Variants in TRIB1 observed in about 807,000 individuals in gnomAD.
TRIB1 encodes the protein tribbles pseudokinase 1.
TRIB1 carries 12 observed loss-of-function variants against 27.8 expected under a neutral mutation model. That is an observed-to-expected ratio of 0.43 (90% CI 0.28 to 0.70). The LOEUF (loss-of-function observed/expected upper bound fraction) is 0.70, where lower values mean the gene tolerates loss of function less well. Among genes scored for constraint, TRIB1 ranks in the 30% least tolerant of loss-of-function variants. TRIB1 has a pLI of 0.18. For missense variants in TRIB1, 475 were observed against 515.8 expected (o/e 0.92, Z 0.77); for synonymous variants, 230 against 224.9 (o/e 1.02, Z -0.20).
chr8:125,432,432 C>T, intron 1 of TRIB1: 1 of 360,812 alleles, frequency 2.8e-6, no homozygotes, highest in Non-Finnish European at 3.9e-6. Context: ...TGGGGTGAGT[C>T]TGGCCATTGT....
intron 1 of TRIB1, among the ~76,000 whole-genome samples, chr8:125,431,774 A>G (rs1814661037): frequency 6.6e-6 from 1 of 152,152 alleles, no homozygotes; most frequent in Non-Finnish European, 1.5e-5. Context: ...GGGATTCCGA[A>G]TTGAATCCGC....
In TRIB1 at chr8:125,437,172, G is replaced by A. The variant is rs529289692; in HGVS notation, c.*701G>A. ...TAAAAGCACTTACCAGCCGAACGTG[G>A]AACAGTATCACAAAAGATTCCATCT... is the stretch of plus-strand genomic sequence containing the variant. On this transcript the variant is annotated 3_prime_UTR_variant, in exon 3 of 3. Coordinates refer to ENST00000311922, the MANE Select transcript of TRIB1 (RefSeq NM_025195.4). 3 of 152,468 alleles carry A rather than the reference G, an allele frequency of 2.0e-5. No individual in the cohort carries two copies. The highest frequency in any genetic ancestry group is 3.8e-4 in the East Asian group (2 of 5,322). 9.4% of individuals were successfully genotyped at this position (152,468 alleles called of 1,614,324 possible).
In TRIB1 at chr8:125,438,343, T is replaced by A. The variant is rs1202683548; in HGVS notation, c.*1872T>A. On this transcript the variant is annotated 3_prime_UTR_variant, in exon 3 of 3. Coordinates refer to ENST00000311922, the MANE Select transcript of TRIB1 (RefSeq NM_025195.4). ...CTTCCTGTACATACGTGTATATATG[T>A]GAACAGTGAGATGGCCGTTTCTGAC... The A allele has an allele frequency of 2.0e-5, 3 of 152,370 alleles. No homozygotes were observed. Among genetic ancestry groups the A allele is most frequent in the Admixed American group, 2.0e-4 (3 of 15,280 alleles). 9.4% of individuals were successfully genotyped at this position (152,370 alleles called of 1,614,324 possible).
At chr8:125,432,277 C>G (rs1162707751) in intron 1 of TRIB1, 1 of 916,804 alleles carries the variant, frequency 1.1e-6, no homozygotes, top group Admixed American at 7.2e-5. Context: ...GAAAAAAAAA[C>G]CTTTTCTTCT....
Position 125,436,771 on chromosome 8 carries a change from C to T in TRIB1, c.*300C>T, listed in dbSNP as rs982948683. 2.7e-5 allele frequency: 12 copies of T among 440,504 alleles called. No individual in the cohort carries two copies. The highest frequency in any genetic ancestry group is 9.5e-5 in the South Asian group (3 of 31,584). The allele number at this position is 440,504 out of a possible 1,614,324, so 27.3% of individuals were successfully genotyped here. ...GGGCAGAGTATGGACATCTTACACCCGGTGGTCAAGTGTGTAATAAACTTG... is the reference window on the plus strand; with the variant it reads ...GGGCAGAGTATGGACATCTTACACCTGGTGGTCAAGTGTGTAATAAACTTG... On this transcript the variant is annotated 3_prime_UTR_variant, in exon 3 of 3. Transcript: ENST00000311922.
Position 125,433,861 on chromosome 8 carries a change from T to G in TRIB1, c.653+252T>G. On this transcript the variant is annotated intron_variant, in intron 2 of 2. Transcript: ENST00000311922. This position sits in a 1 kb window ranked among gnomAD's most constrained non-coding sequence, Gnocchi z 4.4. ...TGTTGACAGGGTGCTCTTCCTCTCC[T>G]ACCCCAGGATCAGGTTCATTCCCCA... The G allele has an allele frequency of 2.1e-6, 1 of 479,840 alleles. No homozygotes were observed. Among genetic ancestry groups the G allele is most frequent in the East Asian group, 3.4e-5 (1 of 29,640 alleles). 29.7% of individuals were successfully genotyped at this position (479,840 alleles called of 1,614,324 possible). A position where few individuals can be genotyped will look rare whatever the true frequency, so the allele number is the denominator to read the frequency against.
At chr8:125,435,181 T>G (rs1814727228) in intron 2 of TRIB1, among the ~76,000 whole-genome samples, 2 of 151,658 alleles carry the variant, frequency 1.3e-5, no homozygotes, top group Non-Finnish European at 2.9e-5. Context: ...TGAAGGTGTT[T>G]TAGACTTTCG....
chr8:125,433,313 A>C lies in TRIB1; in HGVS notation c.361-4A>C. On this transcript the variant is annotated splice_polypyrimidine_tract_variant and splice_region_variant and intron_variant, in intron 1 of 2. Coordinates refer to ENST00000311922, the MANE Select transcript of TRIB1 (RefSeq NM_025195.4). This position sits in a 1 kb window ranked among gnomAD's most constrained non-coding sequence, Gnocchi z 4.4. Reference sequence around the variant, plus strand: ...CCCTAAACGGGCCCCCCTTCTCTCTACAGGTGTTTCCCATTAAACACTACC... The same window carrying C: ...CCCTAAACGGGCCCCCCTTCTCTCTCCAGGTGTTTCCCATTAAACACTACC... The C allele has an allele frequency of 6.2e-7, 1 of 1,612,014 alleles. No individual in the cohort carries two copies. The highest frequency in any genetic ancestry group is 8.5e-7 in the Non-Finnish European group (1 of 1,178,374).
rs1255258708 is a variant in TRIB1, at chr8:125,436,394, G to A, written c.1042G>A (p.Asp348Asn). 8.7e-6 allele frequency: 14 copies of A among 1,613,134 alleles called. No individual in the cohort carries two copies. The highest frequency in any genetic ancestry group is 1.7e-5 in the Admixed American group (1 of 59,830). The change falls in exon 3 of 3, where the codon GAC (aspartate) becomes AAC (asparagine). Residue 348 changes from aspartate to asparagine, a missense_variant. Coordinates refer to ENST00000311922, the MANE Select transcript of TRIB1 (RefSeq NM_025195.4). Reference sequence around the variant, plus strand: ...GTCCGTCTTGGAACCCGGGTACATCGACTCAGAAATAGGAACTTCAGACCA... The same window carrying A: ...GTCCGTCTTGGAACCCGGGTACATCAACTCAGAAATAGGAACTTCAGACCA... ...FESVLEPGYI[D>N]SEIGTSDQIV...
chr8:125,432,660 G>A (rs1187819931), intron 1 of TRIB1, among the ~76,000 whole-genome samples: 1 of 151,714 alleles, frequency 6.6e-6, no homozygotes, highest in Non-Finnish European at 1.5e-5. Context: ...AAACCCATTC[G>A]CAGGATTCCA....
Position 125,431,220 on chromosome 8 carries a change from C to G in TRIB1, c.318C>G (p.Ser106=). Residue 106 remains serine (S), a synonymous_variant, in exon 1 of 3, where the codon TCC becomes TCG. Coordinates refer to ENST00000311922, the MANE Select transcript of TRIB1 (RefSeq NM_025195.4). ...CCCTAGCCGAGCGCGAGCATGTGTCCCGGGCGCTGTGCATCCACACTGGAC... is the reference window on the plus strand; with the variant it reads ...CCCTAGCCGAGCGCGAGCATGTGTCGCGGGCGCTGTGCATCCACACTGGAC... The part of the protein sequence containing the change: ...LLPLAEREHV[S]RALCIHTGRE... 1 of 1,277,056 alleles carries G rather than the reference C, an allele frequency of 7.8e-7. No homozygotes were observed. Among genetic ancestry groups the G allele is most frequent in the Non-Finnish European group, 9.9e-7 (1 of 1,013,446 alleles). The allele number at this position is 1,277,056 out of a possible 1,614,324, so 79.1% of individuals were successfully genotyped here.
rs553258392 is a variant in TRIB1 at position 125,430,557 on chromosome 8, A to T, written c.-346A>T. The stretch of plus-strand genomic sequence containing the variant: ...TGTCCTCGCGGCTCGGGACCCCGGG[A>T]TCGCTGACCGCTGCCGCCGCCGCCT... On this transcript the variant is annotated 5_prime_UTR_variant, in exon 1 of 3. Transcript: ENST00000311922. 30 of 225,954 alleles carry T rather than the reference A, an allele frequency of 1.3e-4. No individual in the cohort carries two copies. Among genetic ancestry groups the T allele is most frequent in the African/African-American group, 6.8e-4 (30 of 44,052 alleles). 14.0% of individuals were successfully genotyped at this position (225,954 alleles called of 1,614,324 possible). A position where few individuals can be genotyped will look rare whatever the true frequency, so the allele number is the denominator to read the frequency against.
rs748016940 is a variant in TRIB1 at position 125,433,618 on chromosome 8, C to T, written c.653+9C>T. 3 of 1,598,282 alleles carry T rather than the reference C, an allele frequency of 1.9e-6. No homozygotes were observed. The highest frequency in any genetic ancestry group is 2.2e-5 in the South Asian group (2 of 90,804). On this transcript the variant is annotated intron_variant, in intron 2 of 2. Coordinates refer to ENST00000311922, the MANE Select transcript of TRIB1 (RefSeq NM_025195.4). The surrounding 1 kb of genome is among the most constrained non-coding windows in gnomAD (Gnocchi z 4.4). ...TTCTCCACGGAGGAGAGGTGAGCGG[C>T]CGCCACAGCTTCTCCTGTGGCCTTT... is the stretch of plus-strand genomic sequence containing the variant.
Position 125,433,402 on chromosome 8 carries a change from T to C in TRIB1, c.446T>C (p.Val149Ala), listed in dbSNP as rs200241998. The part of the protein sequence containing the change: ...SHSNITGIVE[V>A]ILGETKAYVF... ...AGCAACATTACTGGCATTGTGGAAG[T>C]GATCCTTGGGGAAACCAAGGCCTAT... Residue 149 changes from valine (V) to alanine (A), a missense_variant, in exon 2 of 3, where the codon GTG becomes GCG. Val to Ala is a moderately conservative substitution (Grantham distance 64). Coordinates refer to ENST00000311922, the MANE Select transcript of TRIB1 (RefSeq NM_025195.4). This position sits in a 1 kb window ranked among gnomAD's most constrained non-coding sequence, Gnocchi z 4.4. 1 of 1,614,230 alleles carries C rather than the reference T, an allele frequency of 6.2e-7. No homozygotes were observed. Among genetic ancestry groups the C allele is most frequent in the South Asian group, 1.1e-5 (1 of 91,080 alleles).
In TRIB1 at chr8:125,431,255, G is replaced by C. The variant is rs1276883708; in HGVS notation, c.353G>C (p.Arg118Pro). 1.6e-6 allele frequency: 2 copies of C among 1,258,892 alleles called. No individual in the cohort carries two copies. The highest frequency in any genetic ancestry group is 2.0e-6 in the Non-Finnish European group (2 of 1,003,018). 78.0% of individuals were successfully genotyped at this position (1,258,892 alleles called of 1,614,324 possible). The change falls in exon 1 of 3, where the codon CGC (arginine) becomes CCC (proline). Residue 118 changes from arginine to proline, a missense_variant. Transcript: ENST00000311922. ...TGCATCCACACTGGACGCGAGCTGC[G>C]CTGCAAGGTAGGCGCTCCCGGGCCA... ...ALCIHTGREL[R>P]CKVFPIKHYQ...
intron 1 of TRIB1, chr8:125,432,160 C>T (rs1189274749): frequency 1.3e-6 from 1 of 795,344 alleles, no homozygotes; most frequent in African/African-American, 1.8e-5. Flanking sequence ...CCGCAACTCA[C>T]CTGACACTCC....
At chr8:125,431,383 C>T (rs1814653784) in intron 1 of TRIB1, 121 bp downstream of exon 1, 3 of 1,070,866 alleles carry the variant, frequency 2.8e-6, no homozygotes, top group Non-Finnish European at 3.6e-6. Context: ...TAGATTGGGT[C>T]AGATAAGACG....
Position 125,431,034 on chromosome 8 carries a change from G to A in TRIB1, c.132G>A (p.Ala44=). ...ACGCCGACGACGCGGCGGCTGTGGC[G>A]GCCAAGTGCCCGCGCCTCTCCGAGT... The part of the protein sequence containing the change: ...LLDADDAAAV[A]AKCPRLSECS... The change falls in exon 1 of 3, where the codon GCG becomes GCA. Residue 44 remains alanine, a synonymous_variant. Transcript: ENST00000311922. 2 of 1,458,826 alleles carry A rather than the reference G, an allele frequency of 1.4e-6. No homozygotes were observed. Among genetic ancestry groups the A allele is most frequent in the Non-Finnish European group, 1.8e-6 (2 of 1,113,366 alleles). 90.4% of individuals were successfully genotyped at this position (1,458,826 alleles called of 1,614,324 possible). A position where few individuals can be genotyped will look rare whatever the true frequency, so the allele number is the denominator to read the frequency against.
intron 2 of TRIB1, among the ~76,000 whole-genome samples, chr8:125,434,741 T>G (rs568973673): frequency 3.2e-4 from 48 of 152,266 alleles, no homozygotes; most frequent in Admixed American, 5.9e-4. Context: ...GCTGACGCTA[T>G]TCGTGTAACC....
Sources: allele counts gnomAD v4.1 joint callset (sites outside exome capture counted in the v4.1 genomes callset), GRCh38; gene constraint gnomAD v4.1.1; non-coding constraint Gnocchi (gnomAD v3.1); transcripts MANE v1.5; gene names NCBI Gene and HGNC (gene_info 2026-07-23, HGNC 2026-07-21).